The following ZNF827 variants were observed in gnomAD, a reference collection of about 807,000 sequenced individuals.
The protein encoded by ZNF827 is zinc finger protein 827.
A neutral mutation model predicts 102.4 loss-of-function variants in ZNF827; 13 were observed. The observed-to-expected ratio is 0.13, with a 90% confidence interval of 0.08 to 0.20. The LOEUF is 0.20. Among genes scored for constraint, ZNF827 ranks in the 10% least tolerant of loss-of-function variants. The pLI is 1.00. For missense variants in ZNF827, 1,103 were observed against 1,344.4 expected, an observed-to-expected ratio of 0.82 and a Z score of 2.81; for synonymous variants, 523 against 536.2, an observed-to-expected ratio of 0.98 and a Z score of 0.34.
intron 4 of ZNF827, among the ~76,000 whole-genome samples, chr4:145,876,010 A>C (rs1185649335): frequency 2.0e-5 from 3 of 152,230 alleles, no homozygotes; most frequent in Non-Finnish European, 4.4e-5. Context: ...ATATGTTGCC[A>C]AGTTGATTCA....
intron 1 of ZNF827, among the ~76,000 whole-genome samples, chr4:145,923,381 G>C (rs1753210129): frequency 6.6e-6 from 1 of 151,698 alleles, no homozygotes; most frequent in Non-Finnish European, 1.5e-5. Flanking sequence ...GAGGCAGGCG[G>C]ATCACCTGAG....
chr4:145,907,158 AATAT>A (rs1214832383), intron 1 of ZNF827: 1 of 456,334 alleles, frequency 2.2e-6, no homozygotes, highest in Non-Finnish European at 4.4e-6. Flanking sequence ...AGCTCAAACA[AATAT>A]GTCTGTGTTC....
intron 5 of ZNF827, among the ~76,000 whole-genome samples, chr4:145,869,100 C>G (rs1186944672): frequency 6.6e-6 from 1 of 152,198 alleles, no homozygotes; most frequent in African/African-American, 2.4e-5. Context: ...GAAGACAGAG[C>G]TATGATAAGA....
At chr4:145,792,387 GA>G (rs920456913) in intron 8 of ZNF827, among the ~76,000 whole-genome samples, 14 of 149,432 alleles carry the variant, frequency 9.4e-5, no homozygotes, top group African/African-American at 1.5e-4. Flanking sequence ...AAAAAAAAAA[GA>G]AAAAAAAGAA....
chr4:145,903,921 T>A (rs1370006837), intron 1 of ZNF827, among the ~76,000 whole-genome samples: 2 of 152,332 alleles, frequency 1.3e-5, no homozygotes, highest in East Asian at 3.9e-4. Flanking sequence ...GTACCTCCCA[T>A]GTTATGCATG....
Position 145,760,902 on chromosome 4 carries a change from G to A in ZNF827, c.*714C>T. The A allele has an allele frequency of 2.4e-6, 3 of 1,233,082 alleles. No homozygotes were observed. The highest frequency in any genetic ancestry group is 3.1e-6 in the Non-Finnish European group (3 of 963,102). The allele number at this position is 1,233,082 out of a possible 1,614,324, so 76.4% of individuals were successfully genotyped here. A position where few individuals can be genotyped will look rare whatever the true frequency, so the allele number is the denominator to read the frequency against. On this transcript the variant is annotated 3_prime_UTR_variant, in exon 15 of 15. Coordinates refer to ENST00000508784, the MANE Select transcript of ZNF827 (RefSeq NM_001306215.2). ...GGAATGTGAGATCCAAGTGGTTCTT[G>A]GGGTATAACATTGTCAAGGGAATGA...
chr4:145,859,795 G>A (rs1747527679), intron 5 of ZNF827, among the ~76,000 whole-genome samples: 1 of 152,116 alleles, frequency 6.6e-6, no homozygotes, highest in Non-Finnish European at 1.5e-5. Context: ...CCTAGTCACT[G>A]AACACTCACA....
At chr4:145,894,583 T>C (rs1484934767) in intron 2 of ZNF827, among the ~76,000 whole-genome samples, 1 of 152,124 alleles carries the variant, frequency 6.6e-6, no homozygotes, top group Non-Finnish European at 1.5e-5. Context: ...AAAAATGCAG[T>C]TTTACTAATA....
At chr4:145,923,876 A>C (rs1753245791) in intron 1 of ZNF827, among the ~76,000 whole-genome samples, 1 of 152,196 alleles carries the variant, frequency 6.6e-6, no homozygotes, top group Admixed American at 6.5e-5. Context: ...TTTGGAGTTT[A>C]GGGGTCCTGG....
chr4:145,840,351 T>C (rs899444784), intron 7 of ZNF827, among the ~76,000 whole-genome samples: 5 of 152,218 alleles, frequency 3.3e-5, no homozygotes, highest in African/African-American at 9.6e-5. Context: ...AGATTTATTG[T>C]GACAATATTC....
chr4:145,911,986 AC>A, intron 1 of ZNF827, among the ~76,000 whole-genome samples: 1 of 152,200 alleles, frequency 6.6e-6, no homozygotes, highest in Non-Finnish European at 1.5e-5. Flanking sequence ...AGACCAAAAA[AC>A]CCAAGTTCCA....
chr4:145,910,572 G>A (rs1752211753), intron 1 of ZNF827, among the ~76,000 whole-genome samples: 1 of 152,140 alleles, frequency 6.6e-6, no homozygotes, highest in Admixed American at 6.5e-5. Flanking sequence ...GGTACCCAGT[G>A]CTGTCATCCC....
intron 8 of ZNF827, among the ~76,000 whole-genome samples, chr4:145,819,470 A>ATTAATACC (rs1742930477): frequency 6.6e-6 from 1 of 152,330 alleles, no homozygotes; most frequent in South Asian, 2.1e-4. Flanking sequence ...TACAATGGCA[A>ATTAATACC]TGGGTCTGCT....
chr4:145,926,787 G>C (rs1360371727), intron 1 of ZNF827, among the ~76,000 whole-genome samples: 1 of 151,802 alleles, frequency 6.6e-6, no homozygotes, highest in Non-Finnish European at 1.5e-5. Context: ...TATGGAGTAC[G>C]CCCAAGTCAT....
At chr4:145,776,293 C>T (rs1309917665) in intron 9 of ZNF827, among the ~76,000 whole-genome samples, 1 of 151,740 alleles carries the variant, frequency 6.6e-6, no homozygotes, top group Admixed American at 6.6e-5. Flanking sequence ...TCCATCTCTA[C>T]AAAAAAATTT....
intron 7 of ZNF827, chr4:145,832,280 C>G (rs1269914200): frequency 6.8e-6 from 1 of 146,540 alleles, no homozygotes; most frequent in Non-Finnish European, 1.5e-5. Flanking sequence ...AACAAACAAA[C>G]AAACAAAAAA....
intron 1 of ZNF827, among the ~76,000 whole-genome samples, chr4:145,927,423 C>CA (rs1430330389): frequency 6.6e-6 from 1 of 152,142 alleles, no homozygotes; most frequent in African/African-American, 2.4e-5. Flanking sequence ...GATCAGAAAA[C>CA]AGAGAGTAGG....
At chr4:145,932,595 CT>C in intron 1 of ZNF827, among the ~76,000 whole-genome samples, 1 of 152,188 alleles carries the variant, frequency 6.6e-6, no homozygotes, top group South Asian at 2.1e-4. Flanking sequence ...CTGCCTCAGC[CT>C]GCCGAGTAGC....
At chr4:145,913,404 C>G (rs889790730) in intron 1 of ZNF827, among the ~76,000 whole-genome samples, 3 of 105,440 alleles carry the variant, frequency 2.8e-5, no homozygotes, top group Middle Eastern at 0.013. Context: ...CCAGCCTGGG[C>G]AACAGAGTGA....
Sources: gnomAD v4.1 joint callset for allele counts (sites outside exome capture counted in the v4.1 genomes callset) on GRCh38, gnomAD v4.1.1 for gene constraint, MANE v1.5 for transcripts, NCBI Gene and HGNC (gene_info 2026-07-23, HGNC 2026-07-21) for gene names.